The following MANBA variants were observed in gnomAD, a reference collection of about 807,000 sequenced individuals.
MANBA encodes the protein beta-mannosidase.
Under a neutral mutation model 111.1 loss-of-function variants are expected in MANBA, and 83 were observed. The observed-to-expected ratio is 0.75, with a 90% CI of 0.63 to 0.90. The LOEUF is 0.90. MANBA is among the 40% of genes least tolerant of loss of function. The probability of loss-of-function intolerance (pLI) is 0.00; values close to 1 mark genes in which losing one functional copy is unlikely to be tolerated. For synonymous variants in MANBA, 370 were observed against 378.7 expected (o/e 0.98, Z 0.27); for missense variants, 1,036 against 1,069.0 (o/e 0.97, Z 0.43).
chr4:102,696,211 A>T, intron 5 of MANBA, among the ~76,000 whole-genome samples: 1 of 152,172 alleles, frequency 6.6e-6, no homozygotes, highest in Non-Finnish European at 1.5e-5. Flanking sequence ...GTGCAACAGC[A>T]TGAGACTTTG....
chr4:102,680,669 T>G (rs1304390168), intron 7 of MANBA, among the ~76,000 whole-genome samples: 2 of 151,998 alleles, frequency 1.3e-5, no homozygotes, highest in Non-Finnish European at 2.9e-5. Flanking sequence ...GAGGCTGAAA[T>G]AAAATTTTGG....
chr4:102,693,011 T>C (rs1011099707), intron 5 of MANBA, among the ~76,000 whole-genome samples: 4 of 152,218 alleles, frequency 2.6e-5, no homozygotes, highest in African/African-American at 9.6e-5. Flanking sequence ...GCCAAAAGCA[T>C]AGATTTGATG....
At chr4:102,733,020 A>T (rs900141762) in intron 1 of MANBA, among the ~76,000 whole-genome samples, 20 of 152,338 alleles carry the variant, frequency 1.3e-4, no homozygotes, top group African/African-American at 4.8e-4. Context: ...AGTTGGTTCA[A>T]GAGGGCAATC....
Position 102,631,806 on chromosome 4 carries a change from G to A in MANBA, c.*251C>T, listed in dbSNP as rs1729387072. ...GTCCTGCTAAAGCTGAGAGGTGAAG[G>A]GCTAAAAACACAGTCCTGGCACAGA... On this transcript the variant is annotated 3_prime_UTR_variant, in exon 17 of 17. Transcript: ENST00000647097. 1.7e-6 allele frequency: 1 copy of A among 603,060 alleles called. No homozygotes were observed. Among genetic ancestry groups the A allele is most frequent in the South Asian group, 2.0e-5 (1 of 50,284 alleles). The allele number at this position is 603,060 out of a possible 1,614,324, so 37.4% of individuals were successfully genotyped here. A position where few individuals can be genotyped will look rare whatever the true frequency, so the allele number is the denominator to read the frequency against.
chr4:102,706,073 C>A (rs1383053681), intron 5 of MANBA, among the ~76,000 whole-genome samples: 1 of 152,126 alleles, frequency 6.6e-6, no homozygotes, highest in African/African-American at 2.4e-5. Flanking sequence ...GCCTGAAGAC[C>A]CAGCCATCCA....
intron 5 of MANBA, among the ~76,000 whole-genome samples, chr4:102,705,637 C>T (rs10026041): frequency 0.027 from 4,130 of 152,276 alleles, 126 homozygotes; most frequent in African/African-American, 0.076. Context: ...TCCCCAGGAG[C>T]AGGGCAGCAG....
intron 12 of MANBA, among the ~76,000 whole-genome samples, chr4:102,652,068 C>A (rs920939824): frequency 2.0e-5 from 3 of 152,190 alleles, no homozygotes; most frequent in African/African-American, 7.2e-5. Flanking sequence ...GCAAATTCAT[C>A]ACCTCAAACA....
intron 1 of MANBA, chr4:102,754,019 A>AG: frequency 9.5e-6 from 3 of 316,530 alleles, no homozygotes; most frequent in African/African-American, 4.6e-5. Context: ...AAAAAAAAAG[A>AG]AAAAAAAAAT....
chr4:102,700,195 G>A (rs879812036), intron 5 of MANBA, among the ~76,000 whole-genome samples: 608 of 113,568 alleles, frequency 5.4e-3, no homozygotes, highest in African/African-American at 8.9e-3. Context: ...CTGTGGGATC[G>A]GTGGTGATAT....
chr4:102,704,616 A>T (rs1480959443), intron 5 of MANBA, among the ~76,000 whole-genome samples: 1 of 152,170 alleles, frequency 6.6e-6, no homozygotes, highest in Non-Finnish European at 1.5e-5. Context: ...CCTGCCTCAT[A>T]GTATATACCA....
chr4:102,679,381 A>C (rs1313329864), intron 7 of MANBA, among the ~76,000 whole-genome samples: 1 of 152,158 alleles, frequency 6.6e-6, no homozygotes, highest in African/African-American at 2.4e-5. Flanking sequence ...GAATAATGAT[A>C]ATGTCCAGAA....
chr4:102,714,117 C>A (rs1398688034), intron 5 of MANBA, among the ~76,000 whole-genome samples: 1 of 151,946 alleles, frequency 6.6e-6, no homozygotes, highest in Non-Finnish European at 1.5e-5. Flanking sequence ...ACAGAGGCAG[C>A]AAAAAGGAGC....
rs1298530151 is a variant in MANBA, at chr4:102,667,958, GATGCTAATGA to G, written c.1317+995_1317+1004del. On this transcript the variant is annotated intron_variant, in intron 10 of 16. Coordinates refer to ENST00000647097, the MANE Select transcript of MANBA (RefSeq NM_005908.4). Reference sequence around the variant, plus strand: ...CCTGGTGCAGTGATCATTTCCAATGGATGCTAATGAATCAGTCCGATGTTTCAGTAGTATT... The same window carrying G: ...CCTGGTGCAGTGATCATTTCCAATGGATCAGTCCGATGTTTCAGTAGTATT... 21 of 152,254 alleles carry G rather than the reference GATGCTAATGA, an allele frequency of 1.4e-4. No individual in the cohort carries two copies. In the East Asian group the frequency reaches 3.5e-3, roughly 25 times the overall value. The allele number at this position is 152,254 out of a possible 1,614,324, so 9.4% of individuals were successfully genotyped here.
intron 2 of MANBA, 56 bp from the exon 3 acceptor site, chr4:102,724,023 GTC>G: frequency 1.1e-6 from 1 of 937,404 alleles, no homozygotes; most frequent in Non-Finnish European, 1.7e-6. Context: ...ACTTAGATAA[GTC>G]TCTTTTTTAT....
chr4:102,639,993 T>A, intron 13 of MANBA, 136 bp from the exon 14 acceptor site: 1 of 887,640 alleles, frequency 1.1e-6, no homozygotes, highest in Non-Finnish European at 1.8e-6. Flanking sequence ...GGAATTTAAT[T>A]AGTATTAGGA....
intron 4 of MANBA, among the ~76,000 whole-genome samples, chr4:102,715,333 A>G (rs1468733398): frequency 2.0e-5 from 3 of 152,162 alleles, no homozygotes; most frequent in African/African-American, 7.2e-5. Flanking sequence ...CCTTGAGTCA[A>G]CTTGAGCCAA....
At chr4:102,648,544 C>T (rs1041662504) in intron 13 of MANBA, among the ~76,000 whole-genome samples, 18 of 151,986 alleles carry the variant, frequency 1.2e-4, no homozygotes, top group Admixed American at 2.6e-4. Flanking sequence ...TCTATAGAGA[C>T]AGAAAATAGA....
At chr4:102,683,046 A>C (rs1732054669) in intron 7 of MANBA, among the ~76,000 whole-genome samples, 1 of 152,194 alleles carries the variant, frequency 6.6e-6, no homozygotes. Context: ...TGTACTTTTA[A>C]GGTCTTTAGA....
intron 6 of MANBA, among the ~76,000 whole-genome samples, chr4:102,690,320 T>C (rs1471952473): frequency 6.6e-6 from 1 of 152,076 alleles, no homozygotes; most frequent in Non-Finnish European, 1.5e-5. Flanking sequence ...CTACAAATAC[T>C]ACAGAAAATT....
Sources: gnomAD v4.1 joint callset for allele counts (sites outside exome capture counted in the v4.1 genomes callset) on GRCh38, gnomAD v4.1.1 for gene constraint, MANE v1.5 for transcripts, NCBI Gene and HGNC (gene_info 2026-07-23, HGNC 2026-07-21) for gene names.